Variants in SHROOM3 observed in about 807,000 individuals in gnomAD.
SHROOM3 encodes the protein shroom family member 3.
SHROOM3 carries 47 observed loss-of-function variants against 138.6 expected under a neutral mutation model. The observed-to-expected ratio is 0.34, with a 90% CI of 0.27 to 0.43. The LOEUF (loss-of-function observed/expected upper bound fraction) is 0.43. Among genes scored for constraint, SHROOM3 ranks in the 20% least tolerant of loss-of-function variants. The pLI is 1.00. For synonymous variants in SHROOM3, 1,062 were observed against 1,063.3 expected (o/e 1.00, Z 0.02); for missense variants, 2,491 against 2,596.5 (o/e 0.96, Z 0.88).
At chr4:76,647,805 A>G (rs1233804699) in intron 2 of SHROOM3, among the ~76,000 whole-genome samples, 1 of 152,080 alleles carries the variant, frequency 6.6e-6, no homozygotes, top group Admixed American at 6.6e-5. Context: ...CTGAGGTGGG[A>G]GGATTGCTTG....
intron 2 of SHROOM3, among the ~76,000 whole-genome samples, chr4:76,694,524 C>T (rs1719664779): frequency 1.3e-5 from 2 of 152,238 alleles, no homozygotes; most frequent in South Asian, 4.1e-4. Context: ...ACAAAATGGT[C>T]TTATATAAAG....
In SHROOM3 at chr4:76,730,908, C is replaced by T. The variant is rs2110128528; in HGVS notation, c.560C>T (p.Pro187Leu). 1 of 1,614,146 alleles carries T rather than the reference C, an allele frequency of 6.2e-7. No homozygotes were observed. The highest frequency in any genetic ancestry group is 8.5e-7 in the Non-Finnish European group (1 of 1,180,034). The change falls in exon 4 of 11, where the codon CCT becomes CTT. Residue 187 changes from proline (P) to leucine (L), a missense_variant. By Grantham distance (98) the Pro-to-Leu change is moderately conservative (BLOSUM62 -3). Coordinates refer to ENST00000296043, the MANE Select transcript of SHROOM3 (RefSeq NM_020859.4). ...MMQISQGMIG[P>L]PWHQSYHSSS... ...CAGATATCTCAGGGTATGATCGGCCCTCCTTGGCACCAAAGCTACCATTCC... is the reference window on the plus strand; with the variant it reads ...CAGATATCTCAGGGTATGATCGGCCTTCCTTGGCACCAAAGCTACCATTCC...
At chr4:76,459,056 G>A (rs1169795423) in intron 1 of SHROOM3, among the ~76,000 whole-genome samples, 2 of 152,106 alleles carry the variant, frequency 1.3e-5, no homozygotes, top group Non-Finnish European at 2.9e-5. Context: ...TCATTTGGGA[G>A]TTTAAAATTG....
At chr4:76,542,279 T>C (rs1416943924) in intron 1 of SHROOM3, among the ~76,000 whole-genome samples, 1 of 152,206 alleles carries the variant, frequency 6.6e-6, no homozygotes, top group Non-Finnish European at 1.5e-5. Flanking sequence ...AACTGAGGCT[T>C]AGAGGAAAGA....
intron 1 of SHROOM3, among the ~76,000 whole-genome samples, chr4:76,547,273 G>A (rs1439768372): frequency 6.6e-6 from 1 of 152,200 alleles, no homozygotes; most frequent in Non-Finnish European, 1.5e-5. Context: ...GGGCTCTGAG[G>A]TTAGTCTTGA....
chr4:76,485,522 T>G (rs780958594), intron 1 of SHROOM3, among the ~76,000 whole-genome samples: 1 of 152,216 alleles, frequency 6.6e-6, no homozygotes, highest in African/African-American at 2.4e-5. Flanking sequence ...TTGATCGTTT[T>G]GCACAAAACA....
chr4:76,675,528 G>T (rs1472444009), intron 2 of SHROOM3, among the ~76,000 whole-genome samples: 5 of 152,070 alleles, frequency 3.3e-5, no homozygotes, highest in African/African-American at 1.2e-4. Context: ...CTTCCCTCAA[G>T]AATCTTACTG....
intron 3 of SHROOM3, among the ~76,000 whole-genome samples, chr4:76,719,510 T>C (rs1560600924): frequency 6.6e-6 from 1 of 152,244 alleles, no homozygotes; most frequent in Non-Finnish European, 1.5e-5. Context: ...CAAAGATGAA[T>C]GCTATTACAC....
At chr4:76,491,456 A>G (rs2109993567) in intron 1 of SHROOM3, among the ~76,000 whole-genome samples, 1 of 152,330 alleles carries the variant, frequency 6.6e-6, no homozygotes, top group East Asian at 1.9e-4. Flanking sequence ...TTGCTTTCCT[A>G]GACTCCCTTG....
intron 2 of SHROOM3, among the ~76,000 whole-genome samples, chr4:76,580,541 C>T (rs1734030192): frequency 6.7e-6 from 1 of 149,568 alleles, no homozygotes; most frequent in Non-Finnish European, 1.5e-5. Flanking sequence ...CAGCTTCTGC[C>T]TCAGCCTCCC....
intron 3 of SHROOM3, among the ~76,000 whole-genome samples, chr4:76,729,031 A>G (rs1203947266): frequency 6.6e-6 from 1 of 152,062 alleles, no homozygotes; most frequent in African/African-American, 2.4e-5. Context: ...CTATTCATCA[A>G]CTTATTAGTA....
At chr4:76,450,731 A>G (rs1019048950) in intron 1 of SHROOM3, among the ~76,000 whole-genome samples, 1 of 152,238 alleles carries the variant, frequency 6.6e-6, no homozygotes, top group Non-Finnish European at 1.5e-5. Context: ...GAGAGTGACT[A>G]TAAATGGGTA....
At chr4:76,778,680 T>G (rs991917407) in intron 10 of SHROOM3, 129 bp from the exon 11 acceptor site, 7 of 1,275,906 alleles carry the variant, frequency 5.5e-6, no homozygotes, top group Non-Finnish European at 7.8e-6. Flanking sequence ...GTTAGCCTCC[T>G]TACTTAGGAG....
intron 2 of SHROOM3, among the ~76,000 whole-genome samples, chr4:76,595,409 C>T (rs1340356158): frequency 2.6e-5 from 4 of 152,188 alleles, no homozygotes; most frequent in Admixed American, 2.0e-4. Flanking sequence ...TCTGTGTTTT[C>T]ATTCTGCCAC....
chr4:76,586,114 G>C (rs1344825226), intron 2 of SHROOM3: 4 of 385,636 alleles, frequency 1.0e-5, no homozygotes, highest in African/African-American at 8.7e-5. Flanking sequence ...CCGGTTCTCA[G>C]GTTCTGGCCG....
At chr4:76,595,305 A>G (rs1734357596) in intron 2 of SHROOM3, among the ~76,000 whole-genome samples, 1 of 152,204 alleles carries the variant, frequency 6.6e-6, no homozygotes, top group Non-Finnish European at 1.5e-5. Flanking sequence ...TTTGAACGTC[A>G]GTTCCATTGC....
intron 3 of SHROOM3, 75 bp downstream of exon 3, chr4:76,710,362 A>C: frequency 6.3e-7 from 1 of 1,578,024 alleles, no homozygotes; most frequent in Non-Finnish European, 8.7e-7. Context: ...CTGCTGGGAG[A>C]GGAGTCGGGG....
chr4:76,590,770 G>A (rs1420336006), intron 2 of SHROOM3, among the ~76,000 whole-genome samples: 3 of 151,972 alleles, frequency 2.0e-5, no homozygotes, highest in Admixed American at 2.0e-4. Flanking sequence ...TTCCAAGGCT[G>A]TGGAGAAAAT....
intron 2 of SHROOM3, chr4:76,586,148 G>A: frequency 1.5e-6 from 1 of 646,672 alleles, no homozygotes. Context: ...TTACATCAGC[G>A]GGCCAGCTCC....
Sources: gnomAD v4.1 joint callset for allele counts (sites outside exome capture counted in the v4.1 genomes callset) on GRCh38, gnomAD v4.1.1 for gene constraint, MANE v1.5 for transcripts, NCBI Gene and HGNC (gene_info 2026-07-23, HGNC 2026-07-21) for gene names.